The following MCTP2 variants were observed in gnomAD, a reference collection of about 807,000 sequenced individuals.
MCTP2 encodes the protein multiple C2 and transmembrane domain containing 2, also known as multiple C2 and transmembrane domain-containing protein 2.
In MCTP2, 132 loss-of-function variants were observed where a neutral mutation model predicts 111.6. The observed-to-expected ratio is 1.18, with a 90% CI of 1.03 to 1.37. The LOEUF is 1.37. Ranked by LOEUF, MCTP2 falls within the 40% of genes most tolerant of loss-of-function variation. MCTP2 has a pLI of 0.00. For synonymous variants in MCTP2, 395 were observed against 387.7 expected (o/e 1.02, Z -0.22); for missense variants, 1,183 against 1,067.9 (o/e 1.11, Z -1.50).
At chr15:94,405,623 T>C (rs1324524441) in intron 17 of MCTP2, among the ~76,000 whole-genome samples, 1 of 152,214 alleles carries the variant, frequency 6.6e-6, no homozygotes, top group Non-Finnish European at 1.5e-5. Flanking sequence ...AAGAAAGTTA[T>C]CAGTAATGCA....
chr15:94,374,138 G>A (rs1183689024), intron 12 of MCTP2, among the ~76,000 whole-genome samples: 1 of 152,198 alleles, frequency 6.6e-6, no homozygotes, highest in East Asian at 1.9e-4. Flanking sequence ...GAAAATTGTG[G>A]TATATGCTGC....
Position 94,298,324 on chromosome 15 carries a change from T to C in MCTP2, c.59T>C (p.Leu20Ser). ...GSLKQRTRPLLINLSKKKVKK... is the reference protein window; with the variant it reads ...GSLKQRTRPLSINLSKKKVKK... ...TTAAAACAGCGGACCAGGCCATTGTTGATCAACTTGAGCAAGAAGAAGGTG... is the reference window on the plus strand; with the variant it reads ...TTAAAACAGCGGACCAGGCCATTGTCGATCAACTTGAGCAAGAAGAAGGTG... The change falls in exon 2 of 23, where the codon TTG (leucine) becomes TCG (serine). Residue 20 changes from leucine to serine, a missense_variant. Coordinates refer to ENST00000357742, the MANE Select transcript of MCTP2 (RefSeq NM_001385001.1). 6.2e-7 allele frequency: 1 copy of C among 1,614,144 alleles called. No individual in the cohort carries two copies. The highest frequency in any genetic ancestry group is 8.5e-7 in the Non-Finnish European group (1 of 1,180,010).
intron 17 of MCTP2, among the ~76,000 whole-genome samples, chr15:94,404,986 A>G (rs188378653): frequency 4.6e-5 from 7 of 152,312 alleles, no homozygotes; most frequent in East Asian, 1.9e-4. Flanking sequence ...TCATGTTCCA[A>G]CTGCTCGCCT....
intron 20 of MCTP2, among the ~76,000 whole-genome samples, chr15:94,464,304 C>T (rs1484310268): frequency 1.3e-5 from 1 of 76,442 alleles, no homozygotes; most frequent in Admixed American, 1.2e-4. Context: ...TATTATTTCT[C>T]ATCTCTGTTT....
intron 1 of MCTP2, among the ~76,000 whole-genome samples, chr15:94,269,826 G>C (rs1008659685): frequency 5.9e-5 from 9 of 152,110 alleles, no homozygotes; most frequent in African/African-American, 2.2e-4. Flanking sequence ...TATTCTCTGG[G>C]CTTGGTAATT....
chr15:94,312,965 A>T (rs2076214335), intron 2 of MCTP2, among the ~76,000 whole-genome samples: 1 of 152,122 alleles, frequency 6.6e-6, no homozygotes, highest in Non-Finnish European at 1.5e-5. Flanking sequence ...AGTCATGTCC[A>T]GGTGGTCACT....
At chr15:94,434,394 T>C (rs1032690284) in intron 17 of MCTP2, among the ~76,000 whole-genome samples, 2 of 151,980 alleles carry the variant, frequency 1.3e-5, no homozygotes, top group African/African-American at 4.8e-5. Flanking sequence ...TTTTTTTCTA[T>C]TTTTCTATTA....
chr15:94,468,782 C>T (rs757159217), intron 20 of MCTP2, among the ~76,000 whole-genome samples: 1 of 152,040 alleles, frequency 6.6e-6, no homozygotes, highest in Non-Finnish European at 1.5e-5. Context: ...GTGCACGCCA[C>T]CACACCCGGC....
At chr15:94,319,917 C>G (rs1031056787) in intron 4 of MCTP2, among the ~76,000 whole-genome samples, 2 of 152,100 alleles carry the variant, frequency 1.3e-5, no homozygotes, top group Admixed American at 1.3e-4. Context: ...AGATACTAAA[C>G]CAATAGCTTA....
chr15:94,305,581 A>G (rs887497599), intron 2 of MCTP2, among the ~76,000 whole-genome samples: 8 of 152,154 alleles, frequency 5.3e-5, no homozygotes, highest in African/African-American at 1.7e-4. Context: ...CTCTTGTTAG[A>G]GTATAAGCTC....
intron 4 of MCTP2, among the ~76,000 whole-genome samples, chr15:94,321,549 A>G (rs1007826254): frequency 1.3e-5 from 2 of 152,252 alleles, no homozygotes; most frequent in Non-Finnish European, 2.9e-5. Context: ...GACTCCCAGT[A>G]CAGAACTCAT....
At chr15:94,362,595 G>A (rs2078996680) in intron 10 of MCTP2, among the ~76,000 whole-genome samples, 1 of 152,140 alleles carries the variant, frequency 6.6e-6, no homozygotes, top group Non-Finnish European at 1.5e-5. Flanking sequence ...TTACAGCCAG[G>A]CTTGACACAT....
intron 1 of MCTP2, among the ~76,000 whole-genome samples, chr15:94,259,117 C>A (rs1183496309): frequency 6.6e-6 from 1 of 152,162 alleles, no homozygotes; most frequent in East Asian, 1.9e-4. Context: ...TCACTCAGTT[C>A]ACTCTGGGGA....
At chr15:94,463,183 G>A (rs1376015554) in intron 20 of MCTP2, among the ~76,000 whole-genome samples, 1 of 152,062 alleles carries the variant, frequency 6.6e-6, no homozygotes, top group Non-Finnish European at 1.5e-5. Flanking sequence ...GCATTAATTG[G>A]GAAAGAATTG....
chr15:94,325,100 A>T (rs1035313565), intron 4 of MCTP2, among the ~76,000 whole-genome samples: 3 of 152,068 alleles, frequency 2.0e-5, no homozygotes, highest in Non-Finnish European at 4.4e-5. Context: ...TTGTGTCATG[A>T]TGTGACGTGC....
chr15:94,243,238 CATGCGTAT>C (rs2071204742), intron 1 of MCTP2, among the ~76,000 whole-genome samples: 1 of 147,018 alleles, frequency 6.8e-6, no homozygotes, highest in African/African-American at 2.5e-5. Flanking sequence ...CGTACATACA[CATGCGTAT>C]ATGCGTATAT....
chr15:94,458,336 G>C, intron 20 of MCTP2, 90 bp downstream of exon 20: 1 of 794,922 alleles, frequency 1.3e-6, no homozygotes, highest in Non-Finnish European at 2.2e-6. Context: ...GACAAAGGGA[G>C]GCAAGAAAAT....
In MCTP2 at chr15:94,441,856, C is replaced by T. The variant is rs561854458; in HGVS notation, c.2209-1063C>T. Among the ~76,000 whole-genome samples the T allele has an allele frequency of 2.6e-4, 39 of 152,284 alleles. No homozygotes were observed. The South Asian group carries it at 7.9e-3, about 31-fold the overall frequency. ...TGTTTATCCATTGGCTTTCATGAGACATGTTTGCTGCCAGTTGTGAATAGG... is the reference window on the plus strand; with the variant it reads ...TGTTTATCCATTGGCTTTCATGAGATATGTTTGCTGCCAGTTGTGAATAGG... On this transcript the variant is annotated intron_variant, in intron 18 of 22. Transcript: ENST00000357742.
chr15:94,382,994 T>A lies in MCTP2; in HGVS notation c.1583-1028T>A, dbSNP rs1015082103. 5.9e-5 allele frequency among the ~76,000 whole-genome samples: 9 copies of A among 152,362 alleles called. 1 individual carries two copies. The highest frequency in any genetic ancestry group is 3.4e-3 in the Middle Eastern group (1 of 294). On this transcript the variant is annotated intron_variant, in intron 12 of 22. Transcript: ENST00000357742. Reference sequence around the variant, plus strand: ...TGGAAATTTCTTAGGTTTTTTGGTGTGCAAATATGGGAGATAGCGTAGAAA... The same window carrying A: ...TGGAAATTTCTTAGGTTTTTTGGTGAGCAAATATGGGAGATAGCGTAGAAA...
Sources: gnomAD v4.1 joint callset for allele counts (sites outside exome capture counted in the v4.1 genomes callset) on GRCh38, gnomAD v4.1.1 for gene constraint, MANE v1.5 for transcripts, NCBI Gene and HGNC (gene_info 2026-07-23, HGNC 2026-07-21) for gene names.